KCND2: variants seen among roughly 807,000 people sequenced by gnomAD.
KCND2 encodes A-type voltage-gated potassium channel KCND2.
KCND2 carries 16 observed loss-of-function variants against 54.4 expected under a neutral mutation model. The ratio of observed to expected loss-of-function variants is 0.29; its 90% confidence interval spans 0.20 to 0.45. The LOEUF is 0.45. Ranked by LOEUF, KCND2 falls within the 20% of genes least tolerant of loss-of-function variation. The probability of loss-of-function intolerance (pLI) is 1.00; values close to 1 mark genes in which losing one functional copy is unlikely to be tolerated. For synonymous variants in KCND2, 317 were observed against 310.7 expected (o/e 1.02, Z -0.21); for missense variants, 486 against 824.2 (o/e 0.59, Z 5.02).
At chr7:120,612,969 G>T (rs894415324) in intron 1 of KCND2, among the ~76,000 whole-genome samples, 1 of 151,958 alleles carries the variant, frequency 6.6e-6, no homozygotes, top group Non-Finnish European at 1.5e-5. Flanking sequence ...AATCCCAAAT[G>T]AACTGCTCAT....
At chr7:120,363,606 G>A (rs1800626462) in intron 1 of KCND2, among the ~76,000 whole-genome samples, 1 of 152,032 alleles carries the variant, frequency 6.6e-6, no homozygotes, top group Non-Finnish European at 1.5e-5. Flanking sequence ...TACACTAGTT[G>A]CCTAACTTGT....
At chr7:120,494,784 A>C (rs933279321) in intron 1 of KCND2, among the ~76,000 whole-genome samples, 1 of 152,182 alleles carries the variant, frequency 6.6e-6, no homozygotes, top group African/African-American at 2.4e-5. Flanking sequence ...ATCTTTATGG[A>C]AAATGATTAT....
rs563503487 is a variant in KCND2 at position 120,352,511 on chromosome 7, CAT to C, written c.1115+76765_1115+76766del. On this transcript the variant is annotated intron_variant, in intron 1 of 5. Transcript: ENST00000331113. ...ACACACACACACAACATTCATGAAA[CAT>C]TGCATATATTTTCATGAATTTTATA... is the stretch of plus-strand genomic sequence containing the variant. Among the ~76,000 whole-genome samples, 19 of 149,916 alleles carry C rather than the reference CAT, an allele frequency of 1.3e-4. No homozygotes were observed. The East Asian group carries it at 2.0e-3, about 16-fold the overall frequency.
intron 1 of KCND2, among the ~76,000 whole-genome samples, chr7:120,450,482 G>C (rs191440815): frequency 6.8e-4 from 103 of 152,186 alleles, no homozygotes; most frequent in African/African-American, 2.0e-3. Context: ...GGTTGGGAAA[G>C]GTGTAGCCTC....
intron 1 of KCND2, among the ~76,000 whole-genome samples, chr7:120,587,858 G>C (rs1302364057): frequency 1.3e-5 from 2 of 152,062 alleles, no homozygotes; most frequent in African/African-American, 4.8e-5. Flanking sequence ...TAATATAATA[G>C]CGTTCATAAA....
intron 1 of KCND2, among the ~76,000 whole-genome samples, chr7:120,460,619 A>G (rs1227338231): frequency 1.3e-5 from 2 of 151,358 alleles, no homozygotes; most frequent in South Asian, 2.1e-4. Context: ...CACAGAAACA[A>G]TTATCCATTT....
intron 2 of KCND2, 75 bp downstream of exon 2, chr7:120,733,140 G>T (rs1037783493): frequency 1.4e-6 from 2 of 1,452,870 alleles, no homozygotes; most frequent in African/African-American, 1.4e-5. Flanking sequence ...TTTCTTAATG[G>T]TTATTCAGTG....
At chr7:120,635,762 G>A (rs1412520036) in intron 1 of KCND2, among the ~76,000 whole-genome samples, 13 of 152,106 alleles carry the variant, frequency 8.5e-5, no homozygotes, top group Admixed American at 8.5e-4. Context: ...CCAAATTTAA[G>A]AACTACATGA....
chr7:120,656,724 T>TATC (rs1791807982), intron 1 of KCND2, among the ~76,000 whole-genome samples: 1 of 152,246 alleles, frequency 6.6e-6, no homozygotes, highest in South Asian at 2.1e-4. Flanking sequence ...TAATATGACT[T>TATC]ATCCTGTGGC....
chr7:120,613,362 C>A (rs1278343402), intron 1 of KCND2, among the ~76,000 whole-genome samples: 2 of 152,132 alleles, frequency 1.3e-5, no homozygotes, highest in African/African-American at 4.8e-5. Context: ...AAACCCCGGT[C>A]TCTACTAAAA....
At chr7:120,579,231 TA>T (rs1792481281) in intron 1 of KCND2, among the ~76,000 whole-genome samples, 1 of 152,046 alleles carries the variant, frequency 6.6e-6, no homozygotes, top group Non-Finnish European at 1.5e-5. Context: ...AGCAATAAAA[TA>T]AAAATAAAAG....
intron 1 of KCND2, among the ~76,000 whole-genome samples, chr7:120,708,614 A>T (rs1439898546): frequency 2.6e-5 from 4 of 152,118 alleles, no homozygotes. Flanking sequence ...ACATCATATA[A>T]TCATATAATT....
chr7:120,314,914 T>C (rs1465997604), intron 1 of KCND2, among the ~76,000 whole-genome samples: 1 of 152,188 alleles, frequency 6.6e-6, no homozygotes, highest in East Asian at 1.9e-4. Flanking sequence ...CACAGAGCTC[T>C]TTCTTTACTG....
chr7:120,740,069 A>T (rs1272991475), intron 2 of KCND2, among the ~76,000 whole-genome samples: 8 of 152,098 alleles, frequency 5.3e-5, no homozygotes, highest in South Asian at 2.1e-4. Context: ...AGATGTAATT[A>T]AAAAACACAA....
At chr7:120,562,397 T>C (rs1792247168) in intron 1 of KCND2, among the ~76,000 whole-genome samples, 1 of 152,138 alleles carries the variant, frequency 6.6e-6, no homozygotes, top group Non-Finnish European at 1.5e-5. Context: ...GGACTAAACA[T>C]TGGGAGTTGA....
At chr7:120,284,184 A>G (rs1799305235) in intron 1 of KCND2, among the ~76,000 whole-genome samples, 1 of 152,114 alleles carries the variant, frequency 6.6e-6, no homozygotes, top group South Asian at 2.1e-4. Flanking sequence ...TGTTTCCATG[A>G]AGACATTTGC....
chr7:120,411,366 CT>C (rs1801447122), intron 1 of KCND2, among the ~76,000 whole-genome samples: 1 of 151,468 alleles, frequency 6.6e-6, no homozygotes, highest in African/African-American at 2.4e-5. Flanking sequence ...TTTGTCATGA[CT>C]TTTTTTCTAG....
At chr7:120,654,581 A>T (rs2116550193) in intron 1 of KCND2, among the ~76,000 whole-genome samples, 1 of 152,334 alleles carries the variant, frequency 6.6e-6, no homozygotes, top group South Asian at 2.1e-4. Flanking sequence ...ATATTCAACA[A>T]GATGGGGGGA....
At chr7:120,298,252 G>A (rs553500528) in intron 1 of KCND2, among the ~76,000 whole-genome samples, 9 of 152,182 alleles carry the variant, frequency 5.9e-5, no homozygotes, top group South Asian at 2.1e-4. Flanking sequence ...TCTCTAGGGC[G>A]CATCCTCTCC....
Sources: gnomAD v4.1 joint callset for allele counts (sites outside exome capture counted in the v4.1 genomes callset) on GRCh38, gnomAD v4.1.1 for gene constraint, MANE v1.5 for transcripts, NCBI Gene and HGNC (gene_info 2026-07-23, HGNC 2026-07-21) for gene names.